DLGAP2: variants seen among roughly 807,000 people sequenced by gnomAD.
The protein encoded by DLGAP2 is disks large-associated protein 2.
In DLGAP2, 26 loss-of-function variants were observed where a neutral mutation model predicts 100.3. That is an observed-to-expected ratio of 0.26 (90% confidence interval 0.19 to 0.36). The LOEUF is 0.36. Among genes scored for constraint, DLGAP2 ranks in the 10% least tolerant of loss-of-function variants. The probability of loss-of-function intolerance (pLI) is 1.00; values close to 1 mark genes in which losing one functional copy is unlikely to be tolerated. For missense variants in DLGAP2, 1,858 were observed against 1,453.2 expected, an observed-to-expected ratio of 1.28 and a Z score of -4.53; for synonymous variants, 886 against 630.1, an observed-to-expected ratio of 1.41 and a Z score of -6.08.
intron 7 of DLGAP2, among the ~76,000 whole-genome samples, chr8:1,628,931 A>G (rs1797577357): frequency 6.6e-6 from 1 of 152,250 alleles, no homozygotes; most frequent in African/African-American, 2.4e-5. Context: ...TACACAGTCA[A>G]TTTTAGATGC....
At chr8:1,465,576 C>T (rs1798604118) in intron 3 of DLGAP2, among the ~76,000 whole-genome samples, 1 of 152,190 alleles carries the variant, frequency 6.6e-6, no homozygotes, top group Non-Finnish European at 1.5e-5. Flanking sequence ...CCTCCCAGGG[C>T]ACCACCCTCC....
intron 2 of DLGAP2, among the ~76,000 whole-genome samples, chr8:1,241,203 C>CGTGTTT (rs1387513334): frequency 2.0e-5 from 1 of 51,274 alleles, no homozygotes; most frequent in African/African-American, 5.4e-5. Flanking sequence ...CACATGGAGC[C>CGTGTTT]ATGTCTAATT....
At chr8:1,693,966 G>C (rs934752601) in intron 13 of DLGAP2, among the ~76,000 whole-genome samples, 1 of 152,088 alleles carries the variant, frequency 6.6e-6, no homozygotes, top group African/African-American at 2.4e-5. Context: ...ATGCAGACTC[G>C]GGTGAGCCTA....
At chr8:1,092,047 G>T (rs1804201359) in intron 2 of DLGAP2, among the ~76,000 whole-genome samples, 1 of 152,174 alleles carries the variant, frequency 6.6e-6, no homozygotes, top group Non-Finnish European at 1.5e-5. Flanking sequence ...TGTTTGAACT[G>T]CACTCCAGCC....
Position 1,317,221 on chromosome 8 carries a change from C to A in DLGAP2, c.106+58338C>A, listed in dbSNP as rs1485677644. Among the ~76,000 whole-genome samples, 94 of 92,878 alleles carry A rather than the reference C, an allele frequency of 1.0e-3. 1 individual carries two copies. The highest frequency in any genetic ancestry group is 3.1e-3 in the South Asian group (8 of 2,598). 60.9% of individuals were successfully genotyped at this position (92,878 alleles called of 152,430 possible). On this transcript the variant is annotated intron_variant, in intron 3 of 14. Transcript: ENST00000637795. Reference sequence around the variant, plus strand: ...CTCCAACAGTGGTCTACACTCGAGACACTCGGCAGCGTTTAAAAATAGAGC... The same window carrying A: ...CTCCAACAGTGGTCTACACTCGAGAAACTCGGCAGCGTTTAAAAATAGAGC...
chr8:765,761 G>A (rs1298340873), intron 1 of DLGAP2, among the ~76,000 whole-genome samples: 1 of 152,036 alleles, frequency 6.6e-6, no homozygotes, highest in African/African-American at 2.4e-5. Context: ...TCCCACTGTG[G>A]CACATGTGTG....
At chr8:1,230,688 C>T (rs547783579) in intron 2 of DLGAP2, among the ~76,000 whole-genome samples, 89 of 152,068 alleles carry the variant, frequency 5.9e-4, no homozygotes, top group Non-Finnish European at 1.2e-3. Context: ...GAATATACAA[C>T]CCAGAAATGA....
At chr8:1,407,296 C>T (rs1337940267) in intron 3 of DLGAP2, among the ~76,000 whole-genome samples, 1 of 32,668 alleles carries the variant, frequency 3.1e-5, no homozygotes, top group Non-Finnish European at 5.4e-5. Flanking sequence ...CCTCCAGAGT[C>T]GTGTATTGAG....
chr8:816,172 G>C (rs764071286), intron 1 of DLGAP2, among the ~76,000 whole-genome samples: 84 of 151,814 alleles, frequency 5.5e-4, no homozygotes, highest in Admixed American at 1.3e-3. Flanking sequence ...CTACCATTCT[G>C]TATCTTTTAA....
chr8:793,761 G>A (rs746153355), intron 1 of DLGAP2, among the ~76,000 whole-genome samples: 1 of 152,198 alleles, frequency 6.6e-6, no homozygotes, highest in Non-Finnish European at 1.5e-5. Flanking sequence ...GCTGTTTTCT[G>A]CTTCATCATG....
chr8:1,109,156 G>A (rs62486777), intron 2 of DLGAP2, among the ~76,000 whole-genome samples: 8,438 of 60,726 alleles, frequency 0.14, 758 homozygotes, highest in Non-Finnish European at 0.2. Context: ...TGTGAGGTGT[G>A]CACGGGTCTG....
intron 2 of DLGAP2, among the ~76,000 whole-genome samples, chr8:1,065,108 C>T (rs185956486): frequency 6.6e-6 from 1 of 152,178 alleles, no homozygotes; most frequent in Non-Finnish European, 1.5e-5. Flanking sequence ...CGCACCAGGG[C>T]GCCTGCCTTT....
At chr8:806,888 A>G (rs1241124800) in intron 1 of DLGAP2, among the ~76,000 whole-genome samples, 1 of 152,250 alleles carries the variant, frequency 6.6e-6, no homozygotes, top group Non-Finnish European at 1.5e-5. Flanking sequence ...GACCCCTAAG[A>G]GCAAGGCTGG....
intron 2 of DLGAP2, among the ~76,000 whole-genome samples, chr8:1,015,139 CTGTG>C (rs750989859): frequency 6.6e-5 from 1 of 15,086 alleles, no homozygotes; most frequent in East Asian, 7.7e-4. Flanking sequence ...GATGCCTCCA[CTGTG>C]TGTGTGACCA....
At chr8:1,632,233 A>G (rs1428074812) in intron 7 of DLGAP2, among the ~76,000 whole-genome samples, 1 of 152,238 alleles carries the variant, frequency 6.6e-6, no homozygotes, top group Admixed American at 6.5e-5. Context: ...ACACCAGTAC[A>G]GCCATTTCTT....
In DLGAP2 at chr8:1,549,276, A is replaced by C. The variant is rs919698399; in HGVS notation, c.823A>C (p.Ser275Arg). The C allele has an allele frequency of 3.1e-6, 5 of 1,611,684 alleles. No individual in the cohort carries two copies. The highest frequency in any genetic ancestry group is 2.7e-5 in the African/African-American group (2 of 75,052). The part of the protein sequence containing the change: ...DHHHAHHAKH[S>R]KRSKSKERKP... ...CCACCACGCCCACCACGCCAAGCAC[A>C]GCAAGAGGAGCAAGAGCAAGGAGCG... Residue 275 changes from serine (S) to arginine (R), a missense_variant, in exon 5 of 15, where the codon AGC becomes CGC. Transcript: ENST00000637795.
At chr8:1,050,084 A>G (rs191984438) in intron 2 of DLGAP2, among the ~76,000 whole-genome samples, 13 of 152,404 alleles carry the variant, frequency 8.5e-5, no homozygotes, top group African/African-American at 3.1e-4. Flanking sequence ...ATGCACAGGC[A>G]GTCACACACA....
chr8:1,270,164 C>T (rs145209898), intron 3 of DLGAP2, among the ~76,000 whole-genome samples: 1 of 152,170 alleles, frequency 6.6e-6, no homozygotes, highest in Non-Finnish European at 1.5e-5. Flanking sequence ...TCTTGTCTCA[C>T]CAAGATGGGA....
chr8:1,641,029 C>T (rs13269485), intron 8 of DLGAP2, among the ~76,000 whole-genome samples: 41,565 of 151,914 alleles, frequency 0.27, 7,107 homozygotes, highest in African/African-American at 0.48. Flanking sequence ...GCTCTCCTGG[C>T]TGTGGGGAAG....
Sources: gnomAD v4.1 joint callset for allele counts (sites outside exome capture counted in the v4.1 genomes callset) on GRCh38, gnomAD v4.1.1 for gene constraint, MANE v1.5 for transcripts, NCBI Gene and HGNC (gene_info 2026-07-23, HGNC 2026-07-21) for gene names.